Variants in NR3C2 observed in about 807,000 individuals in gnomAD.
NR3C2 encodes the protein mineralocorticoid receptor.
NR3C2 carries 15 observed loss-of-function variants against 86.4 expected under a neutral mutation model. That is an observed-to-expected ratio of 0.17 (90% CI 0.12 to 0.27). NR3C2 has a LOEUF of 0.27. NR3C2 is among the 10% of genes least tolerant of loss of function. The probability of loss-of-function intolerance (pLI) is 1.00; values close to 1 mark genes in which losing one functional copy is unlikely to be tolerated. For synonymous variants in NR3C2, 458 were observed against 450.5 expected, an observed-to-expected ratio of 1.02 and a Z score of -0.21; for missense variants, 960 against 1,195.6, an observed-to-expected ratio of 0.80 and a Z score of 2.91.
intron 2 of NR3C2, among the ~76,000 whole-genome samples, chr4:148,414,810 C>G (rs1748912979): frequency 6.6e-6 from 1 of 152,166 alleles, no homozygotes; most frequent in Non-Finnish European, 1.5e-5. Flanking sequence ...AAAAATACTA[C>G]TTAGCAATAA....
chr4:148,350,148 A>G (rs1340897365), intron 2 of NR3C2, among the ~76,000 whole-genome samples: 1 of 152,140 alleles, frequency 6.6e-6, no homozygotes, highest in Non-Finnish European at 1.5e-5. Context: ...GCATATCTCC[A>G]TTTTATAGAT....
chr4:148,244,991 T>G (rs1334748990), intron 3 of NR3C2, among the ~76,000 whole-genome samples: 2 of 152,054 alleles, frequency 1.3e-5, no homozygotes, highest in African/African-American at 2.4e-5. Flanking sequence ...TTTCAATGAT[T>G]TTTTTTTCTC....
intron 6 of NR3C2, among the ~76,000 whole-genome samples, chr4:148,138,228 C>T (rs188893794): frequency 8.1e-4 from 123 of 152,174 alleles, no homozygotes; most frequent in African/African-American, 2.8e-3. Context: ...CCGGGGCTTA[C>T]GTCTTCAACA....
Position 148,435,303 on chromosome 4 carries a change from C to T in NR3C2, c.1558G>A (p.Gly520Arg), listed in dbSNP as rs1175542119. ...SSAIVGVNSG[G>R]QSFHYRIGAQ... Reference sequence around the variant, plus strand: ...CCAATCCTGTAGTGGAAGGACTGTCCACCTGAATTCACCCCAACAATAGCA... The same window carrying T: ...CCAATCCTGTAGTGGAAGGACTGTCTACCTGAATTCACCCCAACAATAGCA... Residue 520 changes from glycine (G) to arginine (R), a missense_variant, in exon 2 of 9, where the codon GGA becomes AGA. Around this residue, in one of 4 missense-constraint regions of NR3C2, gnomAD observed 680 missense variants for 719.0 expected, o/e 0.95. Coordinates refer to ENST00000358102, the MANE Select transcript of NR3C2 (RefSeq NM_000901.5). The T allele has an allele frequency of 2.5e-6, 4 of 1,614,002 alleles. No homozygotes were observed. The highest frequency in any genetic ancestry group is 3.4e-6 in the Non-Finnish European group (4 of 1,180,030).
chr4:148,410,337 A>G (rs1560717016), intron 2 of NR3C2, among the ~76,000 whole-genome samples: 2 of 152,210 alleles, frequency 1.3e-5, no homozygotes, highest in Admixed American at 6.5e-5. Flanking sequence ...CTAATAATAA[A>G]GTTTTGAATA....
chr4:148,429,459 T>C (rs545574527), intron 2 of NR3C2, among the ~76,000 whole-genome samples: 2 of 152,370 alleles, frequency 1.3e-5, no homozygotes, highest in East Asian at 3.9e-4. Context: ...GTTTCCTTCC[T>C]TAAACTACAG....
At chr4:148,147,766 TAGGAA>T in intron 6 of NR3C2, among the ~76,000 whole-genome samples, 1 of 152,154 alleles carries the variant, frequency 6.6e-6, no homozygotes, top group East Asian at 1.9e-4. Flanking sequence ...TGGTGGAAGG[TAGGAA>T]AGCACGGGTA....
At chr4:148,219,771 A>T (rs1737736984) in intron 3 of NR3C2, among the ~76,000 whole-genome samples, 1 of 152,222 alleles carries the variant, frequency 6.6e-6, no homozygotes, top group Non-Finnish European at 1.5e-5. Context: ...TATTTTAAAA[A>T]TTTTATTTCA....
chr4:148,130,067 C>G (rs1057048045), intron 6 of NR3C2, among the ~76,000 whole-genome samples: 1 of 152,044 alleles, frequency 6.6e-6, no homozygotes, highest in South Asian at 2.1e-4. Flanking sequence ...TTTACCGTAT[C>G]TGTGTTTTTA....
chr4:148,374,461 T>C (rs775490716), intron 2 of NR3C2, among the ~76,000 whole-genome samples: 1 of 152,216 alleles, frequency 6.6e-6, no homozygotes, highest in Non-Finnish European at 1.5e-5. Context: ...TATTATTCAA[T>C]GAAGGCCAGG....
In NR3C2 at chr4:148,154,197, C is replaced by T. The variant is rs558383957; in HGVS notation, c.2365+354G>A. Among the ~76,000 whole-genome samples, 398 of 151,938 alleles carry T rather than the reference C, an allele frequency of 2.6e-3. 1 individual carries two copies. Among genetic ancestry groups the T allele is most frequent in the South Asian group, 4.6e-3 (22 of 4,808 alleles). On this transcript the variant is annotated intron_variant, in intron 5 of 8. Transcript: ENST00000358102. ...CTAATTTTTGTGTTTTTAGTAGAAA[C>T]GGGGTTTCACCATCTTGGCTAGGCT...
chr4:148,143,789 A>T (rs897740150), intron 6 of NR3C2, among the ~76,000 whole-genome samples: 2 of 151,898 alleles, frequency 1.3e-5, no homozygotes, highest in South Asian at 2.1e-4. Context: ...CTACTAAAAA[A>T]ATACAAAATT....
At chr4:148,408,063 G>T (rs373367819) in intron 2 of NR3C2, among the ~76,000 whole-genome samples, 8 of 152,058 alleles carry the variant, frequency 5.3e-5, no homozygotes, top group African/African-American at 1.7e-4. Flanking sequence ...TGCCTCCTCC[G>T]GCTATTGTGC....
intron 8 of NR3C2, among the ~76,000 whole-genome samples, chr4:148,103,264 G>A (rs980098265): frequency 4.6e-5 from 7 of 152,126 alleles, no homozygotes; most frequent in Non-Finnish European, 8.8e-5. Flanking sequence ...TTCATGCCGG[G>A]TTTTCAATCC....
intron 2 of NR3C2, among the ~76,000 whole-genome samples, chr4:148,406,112 G>A (rs553373712): frequency 1.6e-4 from 25 of 152,294 alleles, no homozygotes; most frequent in Admixed American, 1.5e-3. Flanking sequence ...GCTGTAGTGA[G>A]TTGTGGTCAC....
chr4:148,170,503 T>C (rs985947344), intron 4 of NR3C2, among the ~76,000 whole-genome samples: 2 of 152,158 alleles, frequency 1.3e-5, no homozygotes, highest in African/African-American at 4.8e-5. Flanking sequence ...CTTCTGACAC[T>C]GCTTGAAAAA....
At chr4:148,367,532 T>C (rs866618658) in intron 2 of NR3C2, among the ~76,000 whole-genome samples, 26 of 152,158 alleles carry the variant, frequency 1.7e-4, no homozygotes, top group African/African-American at 4.6e-4. Context: ...TAAGCAATCA[T>C]GTATAAACAT....
intron 3 of NR3C2, among the ~76,000 whole-genome samples, chr4:148,231,241 A>C (rs1738444887): frequency 6.6e-6 from 1 of 152,220 alleles, no homozygotes; most frequent in Admixed American, 6.5e-5. Flanking sequence ...ATTAAAAACT[A>C]ATGATGATAT....
intron 2 of NR3C2, among the ~76,000 whole-genome samples, chr4:148,361,149 T>A (rs1745816614): frequency 6.6e-6 from 1 of 152,142 alleles, no homozygotes. Flanking sequence ...CAGATAACCT[T>A]CCAGCAGAAG....
Sources: gnomAD v4.1 joint callset for allele counts (sites outside exome capture counted in the v4.1 genomes callset) on GRCh38, gnomAD v4.1.1 for gene constraint, gnomAD v4.1.1 regional missense constraint, MANE v1.5 for transcripts, NCBI Gene and HGNC (gene_info 2026-07-23, HGNC 2026-07-21) for gene names.